Variants in DPP6 observed in about 807,000 individuals in gnomAD.
DPP6 encodes the protein dipeptidyl peptidase like 6.
In DPP6, 69 loss-of-function variants were observed where a neutral mutation model predicts 122.6. That is an observed-to-expected ratio of 0.56 (90% CI 0.46 to 0.69). The LOEUF (loss-of-function observed/expected upper bound fraction) is 0.69. Ranked by LOEUF, DPP6 falls within the 30% of genes least tolerant of loss-of-function variation. The pLI is 0.00. For missense variants in DPP6, 928 were observed against 1,116.9 expected, an observed-to-expected ratio of 0.83 and a Z score of 2.41; for synonymous variants, 418 against 433.1, an observed-to-expected ratio of 0.97 and a Z score of 0.43.
At chr7:154,467,099 A>T (rs1821851273) in intron 2 of DPP6, among the ~76,000 whole-genome samples, 2 of 152,198 alleles carry the variant, frequency 1.3e-5, no homozygotes, top group African/African-American at 4.8e-5. Context: ...CTAGTTCCAA[A>T]CAACTTCTAA....
chr7:154,216,930 TA>T (rs10558754), intron 1 of DPP6, among the ~76,000 whole-genome samples: 223 of 147,386 alleles, frequency 1.5e-3, no homozygotes, highest in African/African-American at 4.8e-3. Context: ...GAAACCTCTC[TA>T]AAAAAAAAAA....
At chr7:154,547,415 C>T (rs1415788265) in intron 4 of DPP6, among the ~76,000 whole-genome samples, 1 of 152,180 alleles carries the variant, frequency 6.6e-6, no homozygotes, top group African/African-American at 2.4e-5. Context: ...ATACAAAGAT[C>T]TGGCAGCAGC....
intron 1 of DPP6, among the ~76,000 whole-genome samples, chr7:153,970,717 C>T (rs1399163155): frequency 1.3e-5 from 2 of 152,042 alleles, no homozygotes; most frequent in African/African-American, 2.4e-5. Flanking sequence ...ATGTGGATGT[C>T]CAGTTTGTTC....
chr7:154,687,198 A>G (rs974941041), intron 7 of DPP6, among the ~76,000 whole-genome samples: 4 of 152,200 alleles, frequency 2.6e-5, no homozygotes, highest in African/African-American at 7.2e-5. Flanking sequence ...ATCAAGTTAT[A>G]TAAAGTCTCC....
chr7:154,485,751 C>T (rs1467910906), intron 3 of DPP6, among the ~76,000 whole-genome samples: 2 of 152,172 alleles, frequency 1.3e-5, no homozygotes, highest in African/African-American at 4.8e-5. Flanking sequence ...TGAAATATCT[C>T]AGTTACTTCA....
At chr7:154,331,799 C>G (rs573833988) in intron 1 of DPP6, among the ~76,000 whole-genome samples, 1 of 152,272 alleles carries the variant, frequency 6.6e-6, no homozygotes, top group East Asian at 1.9e-4. Context: ...AATACAGCCA[C>G]TTTTTCAGGG....
At chr7:154,770,731 T>TC (rs1796202187) in intron 9 of DPP6, among the ~76,000 whole-genome samples, 1 of 152,158 alleles carries the variant, frequency 6.6e-6, no homozygotes, top group Non-Finnish European at 1.5e-5. Flanking sequence ...ACAGCAAGTG[T>TC]CCAGTGGCTG....
intron 16 of DPP6, among the ~76,000 whole-genome samples, chr7:154,841,145 G>A (rs1341144017): frequency 2.0e-5 from 3 of 152,194 alleles, no homozygotes; most frequent in Non-Finnish European, 4.4e-5. Context: ...CAATCTGAGG[G>A]CGAGGGTCAT....
At chr7:154,409,227 G>A (rs1816384082) in intron 1 of DPP6, among the ~76,000 whole-genome samples, 1 of 152,072 alleles carries the variant, frequency 6.6e-6, no homozygotes, top group Admixed American at 6.5e-5. Flanking sequence ...ATTAAAATGA[G>A]GTCATATGAA....
chr7:154,108,261 C>T (rs555429077), intron 1 of DPP6, among the ~76,000 whole-genome samples: 31 of 152,288 alleles, frequency 2.0e-4, no homozygotes, highest in Admixed American at 1.2e-3. Context: ...GCCAGCCTCT[C>T]AGCCACCAAT....
At chr7:153,922,546 CT>C (rs1476870463) in intron 1 of DPP6, among the ~76,000 whole-genome samples, 2 of 152,140 alleles carry the variant, frequency 1.3e-5, no homozygotes, top group African/African-American at 2.4e-5. Flanking sequence ...CTGTCACCAG[CT>C]TAACTGCATT....
In DPP6 at chr7:154,799,732, C is replaced by A. The variant is rs1798244118; in HGVS notation, c.1300-1623C>A. 3.9e-5 allele frequency among the ~76,000 whole-genome samples: 6 copies of A among 152,190 alleles called. No individual in the cohort carries two copies. The South Asian group carries it at 1.2e-3, about 31-fold the overall frequency. ...GCTGAGTGGAGTTGAGGAAACCAGGCATTGTGTGTGATAAATTCTGTTATC... is the reference window on the plus strand; with the variant it reads ...GCTGAGTGGAGTTGAGGAAACCAGGAATTGTGTGTGATAAATTCTGTTATC... On this transcript the variant is annotated intron_variant, in intron 12 of 25. Transcript: ENST00000377770.
At chr7:153,960,407 C>A (rs193145326) in intron 1 of DPP6, among the ~76,000 whole-genome samples, 29 of 152,028 alleles carry the variant, frequency 1.9e-4, no homozygotes, top group Non-Finnish European at 3.1e-4. Flanking sequence ...TCTTAATAGC[C>A]GCACCCCAAG....
the DPP6 span, among the ~76,000 whole-genome samples, chr7:153,847,190 G>A: frequency 6.6e-6 from 1 of 152,130 alleles, no homozygotes; most frequent in Non-Finnish European, 1.5e-5. Context: ...TTAAGTGAAA[G>A]CAGGTTTATT....
chr7:154,279,050 T>G (rs1046607025), intron 1 of DPP6, among the ~76,000 whole-genome samples: 2 of 151,734 alleles, frequency 1.3e-5, no homozygotes, highest in African/African-American at 2.4e-5. Context: ...TGGGCATGTG[T>G]GTGTATATAT....
chr7:154,672,041 A>G (rs969414502), intron 7 of DPP6, among the ~76,000 whole-genome samples: 6 of 152,068 alleles, frequency 3.9e-5, no homozygotes, highest in African/African-American at 1.2e-4. Flanking sequence ...TTGAATTATT[A>G]TAATCCCCAT....
chr7:154,177,356 A>G (rs1231313495), intron 1 of DPP6, among the ~76,000 whole-genome samples: 1 of 152,244 alleles, frequency 6.6e-6, no homozygotes, highest in Non-Finnish European at 1.5e-5. Context: ...ATAAGTGATG[A>G]AAACTAAAGA....
chr7:154,446,717 TGCTAAA>T lies in DPP6; in HGVS notation c.358+390_358+395del, dbSNP rs1819903429. 2.0e-5 allele frequency among the ~76,000 whole-genome samples: 3 copies of T among 152,198 alleles called. No individual in the cohort carries two copies. The South Asian group carries it at 6.2e-4, about 32-fold the overall frequency. On this transcript the variant is annotated intron_variant, in intron 2 of 25. Transcript: ENST00000377770. ...TGTTGAGTGTGAACTAAGGAGAAGGTGCTAAATAGGTACTACTGAATATTACATAAA... is the reference window on the plus strand; with the variant it reads ...TGTTGAGTGTGAACTAAGGAGAAGGTTAGGTACTACTGAATATTACATAAA...
chr7:154,337,622 C>T (rs1359968190), intron 1 of DPP6, among the ~76,000 whole-genome samples: 2 of 152,132 alleles, frequency 1.3e-5, no homozygotes, highest in African/African-American at 4.8e-5. Context: ...TGCCTCCTTA[C>T]CCAGGCAGGC....
Sources: gnomAD v4.1 joint callset for allele counts (sites outside exome capture counted in the v4.1 genomes callset) on GRCh38, gnomAD v4.1.1 for gene constraint, MANE v1.5 for transcripts, NCBI Gene and HGNC (gene_info 2026-07-23, HGNC 2026-07-21) for gene names.